TJP2: variants seen among roughly 807,000 people sequenced by gnomAD.
TJP2 encodes the protein tight junction protein 2.
TJP2 carries 91 observed loss-of-function variants against 133.1 expected under a neutral mutation model. That is an observed-to-expected ratio of 0.68 (90% CI 0.58 to 0.81). The LOEUF (loss-of-function observed/expected upper bound fraction) is 0.81, where lower values mean the gene tolerates loss of function less well. Ranked by LOEUF, TJP2 falls within the 40% of genes least tolerant of loss-of-function variation. The pLI is 0.00. For synonymous variants in TJP2, 592 were observed against 583.4 expected, an observed-to-expected ratio of 1.01 and a Z score of -0.21; for missense variants, 1,541 against 1,565.6, an observed-to-expected ratio of 0.98 and a Z score of 0.26.
chr9:69,130,015 C>CAAAAAAAAAAAAAAAAAAAAAAAAAAA (rs11355311), intron 1 of TJP2, among the ~76,000 whole-genome samples: 2 of 94,174 alleles, frequency 2.1e-5, no homozygotes, highest in African/African-American at 4.1e-5. Context: ...AACTCTGCCT[C>CAAAAAAAAAAAAAAAAAAAAAAAAAAA]AAAAAAAAAA....
chr9:69,224,471 A>T (rs1199111040), intron 5 of TJP2, among the ~76,000 whole-genome samples: 1 of 152,166 alleles, frequency 6.6e-6, no homozygotes, highest in Non-Finnish European at 1.5e-5. Flanking sequence ...TGAGGTCAGG[A>T]GTTCGAGACT....
intron 2 of TJP2, among the ~76,000 whole-genome samples, chr9:69,154,981 G>C (rs919248745): frequency 6.6e-6 from 1 of 151,870 alleles, no homozygotes; most frequent in Non-Finnish European, 1.5e-5. Context: ...ACTTTGGGAG[G>C]CCGATGTGGG....
intron 1 of TJP2, among the ~76,000 whole-genome samples, chr9:69,149,779 T>C (rs1823381281): frequency 6.6e-6 from 1 of 152,196 alleles, no homozygotes; most frequent in South Asian, 2.1e-4. Flanking sequence ...GGGGTATTTC[T>C]TGGGTTTTCT....
chr9:69,191,453 A>G lies in TJP2; in HGVS notation c.60+17021A>G, dbSNP rs567754929. 2.6e-5 allele frequency among the ~76,000 whole-genome samples: 4 copies of G among 152,332 alleles called. No homozygotes were observed. In the East Asian group the frequency reaches 5.8e-4, roughly 22 times the overall value. ...CTGTCAGAGGAAACTTCAGAGTAAC[A>G]ATAAAGTGCTGGTGTGGCTTCAAAG... On this transcript the variant is annotated intron_variant, in intron 1 of 22. Coordinates refer to ENST00000377245, the MANE Select transcript of TJP2 (RefSeq NM_004817.4).
At chr9:69,228,246 T>C in intron 9 of TJP2, 132 bp downstream of exon 9, 1 of 1,131,924 alleles carries the variant, frequency 8.8e-7, no homozygotes, top group South Asian at 1.3e-5. Flanking sequence ...CTAAGCTAAT[T>C]AACATGGTAA....
At chr9:69,194,578 A>T (rs57847527) in intron 1 of TJP2, among the ~76,000 whole-genome samples, 2,979 of 152,336 alleles carry the variant, frequency 0.02, 84 homozygotes, top group African/African-American at 0.068. Flanking sequence ...TCACATGTTC[A>T]GTAGCCACAT....
chr9:69,148,760 G>T, intron 1 of TJP2, among the ~76,000 whole-genome samples: 1 of 152,118 alleles, frequency 6.6e-6, no homozygotes, highest in South Asian at 2.1e-4. Context: ...AAAACGAATG[G>T]CTACCAACCG....
At position 69,216,301 on chromosome 9, in the gene TJP2, T is replaced by C. The variant is rs779181250; in HGVS notation, c.115-38T>C. 6 of 1,613,606 alleles carry C rather than the reference T, an allele frequency of 3.7e-6. No individual in the cohort carries two copies. In the South Asian group the frequency reaches 5.5e-5, roughly 15 times the overall value. ...TGTAATAAATCCTGAAAGCCACTTA[T>C]TGAAGGATTTTTAATATTTCTCCTC... On this transcript the variant is annotated intron_variant, in intron 2 of 22. Coordinates refer to ENST00000377245, the MANE Select transcript of TJP2 (RefSeq NM_004817.4).
At chr9:69,167,953 G>A (rs10781456) in intron 2 of TJP2, among the ~76,000 whole-genome samples, 70,637 of 151,778 alleles carry the variant, frequency 0.47, 16,560 homozygotes, top group East Asian at 0.63. Context: ...AGATGCCAAC[G>A]TGTTGGGTTT....
chr9:69,226,249 T>C, intron 7 of TJP2, 74 bp downstream of exon 7: 3 of 1,536,166 alleles, frequency 2.0e-6, no homozygotes, highest in Non-Finnish European at 2.7e-6. Context: ...CTATTTAGTG[T>C]AGCTATCCAG....
intron 2 of TJP2, among the ~76,000 whole-genome samples, chr9:69,214,069 G>A (rs1828155039): frequency 6.6e-6 from 1 of 152,076 alleles, no homozygotes. Flanking sequence ...ATATTATCTG[G>A]ATGAAACTGG....
At position 69,235,937 on chromosome 9, in the gene TJP2, G is replaced by A. The variant is rs2275431; in HGVS notation, c.1781-91G>A. On this transcript the variant is annotated intron_variant, in intron 12 of 22. Transcript: ENST00000377245. Reference sequence around the variant, plus strand: ...TGCACTGAATGGAAGGAAGGTAAAGGGGAGATCAGAGATAGGAGAAGCTGT... The same window carrying A: ...TGCACTGAATGGAAGGAAGGTAAAGAGGAGATCAGAGATAGGAGAAGCTGT... 375,176 of 1,198,280 alleles carry A rather than the reference G, an allele frequency of 0.31. 62,394 individuals are homozygous for A. Among genetic ancestry groups the A allele is most frequent in the South Asian group, 0.37 (29,472 of 79,780 alleles). The allele number at this position is 1,198,280 out of a possible 1,614,324, so 74.2% of individuals were successfully genotyped here. A position where few individuals can be genotyped will look rare whatever the true frequency, so the allele number is the denominator to read the frequency against.
chr9:69,129,929 C>T (rs547410185), intron 1 of TJP2, among the ~76,000 whole-genome samples: 5 of 149,960 alleles, frequency 3.3e-5, no homozygotes, highest in South Asian at 2.1e-4. Context: ...GCAAGAAAAT[C>T]GCCTGAACCC....
At chr9:69,179,085 T>C (rs1587981156) in intron 1 of TJP2, among the ~76,000 whole-genome samples, 1 of 152,286 alleles carries the variant, frequency 6.6e-6, no homozygotes. Context: ...TGCTTTGACC[T>C]AGAGAGATGC....
intron 1 of TJP2, among the ~76,000 whole-genome samples, chr9:69,206,023 G>C (rs1239285029): frequency 6.6e-6 from 1 of 152,016 alleles, no homozygotes; most frequent in Non-Finnish European, 1.5e-5. Flanking sequence ...ATTTGCCTTA[G>C]TTCCTTTCTC....
At chr9:69,194,364 G>A (rs995859621) in intron 1 of TJP2, among the ~76,000 whole-genome samples, 20 of 152,110 alleles carry the variant, frequency 1.3e-4, no homozygotes, top group African/African-American at 4.6e-4. Context: ...TAAAAATGCC[G>A]TTTGATCTAT....
chr9:69,206,550 A>ATTTT (rs1193537736), intron 1 of TJP2, among the ~76,000 whole-genome samples: 2 of 120,784 alleles, frequency 1.7e-5, no homozygotes, highest in East Asian at 2.7e-4. Context: ...TCATCTCCCT[A>ATTTT]TTTTTTATTT....
At position 69,221,004 on chromosome 9, in the gene TJP2, G is replaced by A; in HGVS notation, c.460G>A (p.Gly154Ser). ...DEFDGRSFRS[G>S]YSERSRLNSH... ...GTTTGATGGCAGAAGTTTCCGGAGT[G>A]GCTACAGCGAGAGGAGCCGGCTGAA... The change falls in exon 5 of 23, where the codon GGC becomes AGC. Residue 154 changes from glycine (G) to serine (S), a missense_variant. By Grantham distance (56) the Gly-to-Ser change is moderately conservative. Transcript: ENST00000377245. 6.2e-7 allele frequency: 1 copy of A among 1,611,974 alleles called. No homozygotes were observed. Among genetic ancestry groups the A allele is most frequent in the Non-Finnish European group, 8.5e-7 (1 of 1,179,552 alleles).
intron 11 of TJP2, among the ~76,000 whole-genome samples, chr9:69,232,208 T>A (rs955339617): frequency 2.0e-5 from 3 of 152,170 alleles, no homozygotes; most frequent in Non-Finnish European, 4.4e-5. Flanking sequence ...CATATGGAGG[T>A]CAGGCAATAG....
Sources: allele counts gnomAD v4.1 joint callset (sites outside exome capture counted in the v4.1 genomes callset), GRCh38; gene constraint gnomAD v4.1.1; transcripts MANE v1.5; gene names NCBI Gene and HGNC (gene_info 2026-07-23, HGNC 2026-07-21).